NKAIN3: variants seen among roughly 807,000 people sequenced by gnomAD.
The protein encoded by NKAIN3 is sodium/potassium-transporting ATPase subunit beta-1-interacting protein 3.
A neutral mutation model predicts 30.2 loss-of-function variants in NKAIN3; 25 were observed. The ratio of observed to expected loss-of-function variants is 0.83; its 90% CI spans 0.60 to 1.16. NKAIN3 has a LOEUF of 1.16. Ranked by LOEUF, NKAIN3 falls within the 50% of genes most tolerant of loss-of-function variation. NKAIN3 has a pLI of 0.00. For synonymous variants in NKAIN3, 91 were observed against 89.6 expected, an observed-to-expected ratio of 1.02 and a Z score of -0.09; for missense variants, 225 against 254.1, an observed-to-expected ratio of 0.89 and a Z score of 0.78.
Position 62,340,908 on chromosome 8 carries a change from T to C in NKAIN3, c.54+91781T>C, listed in dbSNP as rs375588618. On this transcript the variant is annotated intron_variant, in intron 1 of 6. Transcript: ENST00000623646. ...TGGTCAAGGAAAGCGTCTTGTCATC[T>C]TCATTCATTCTTCAAAACAGACATG... is the stretch of plus-strand genomic sequence containing the variant. Among the ~76,000 whole-genome samples, 4 of 145,944 alleles carry C rather than the reference T, an allele frequency of 2.7e-5. No homozygotes were observed. In the East Asian group the frequency reaches 6.0e-4, roughly 22 times the overall value.
At chr8:62,302,665 C>T (rs1302493596) in intron 1 of NKAIN3, among the ~76,000 whole-genome samples, 1 of 151,954 alleles carries the variant, frequency 6.6e-6, no homozygotes, top group African/African-American at 2.4e-5. Flanking sequence ...GTATTCACTG[C>T]ATATAGATAA....
At chr8:62,834,510 G>A (rs904990023) in intron 4 of NKAIN3, among the ~76,000 whole-genome samples, 3 of 151,892 alleles carry the variant, frequency 2.0e-5, no homozygotes, top group African/African-American at 4.8e-5. Flanking sequence ...ATGAAAACCA[G>A]TAGCACTTCT....
At chr8:62,992,144 G>A (rs943282899) in intron 5 of NKAIN3, among the ~76,000 whole-genome samples, 12 of 151,840 alleles carry the variant, frequency 7.9e-5, no homozygotes, top group African/African-American at 2.9e-4. Flanking sequence ...TCCCAGAGTA[G>A]CTGGGATTAC....
chr8:62,807,197 C>A (rs1818324187), intron 4 of NKAIN3, among the ~76,000 whole-genome samples: 2 of 152,094 alleles, frequency 1.3e-5, no homozygotes, highest in Non-Finnish European at 2.9e-5. Flanking sequence ...ACAACATATA[C>A]CCTTGTATCC....
At chr8:62,801,753 A>G (rs1205821720) in intron 4 of NKAIN3, among the ~76,000 whole-genome samples, 1 of 152,242 alleles carries the variant, frequency 6.6e-6, no homozygotes, top group Non-Finnish European at 1.5e-5. Flanking sequence ...CCAGCAATGG[A>G]ACAAAGCTGG....
At chr8:62,568,981 C>T (rs1359940801) in intron 1 of NKAIN3, among the ~76,000 whole-genome samples, 1 of 152,184 alleles carries the variant, frequency 6.6e-6, no homozygotes, top group African/African-American at 2.4e-5. Flanking sequence ...TACATAAGCA[C>T]TAATGATCAT....
chr8:62,855,653 A>C (rs1225389325), intron 4 of NKAIN3: 2 of 1,604,268 alleles, frequency 1.2e-6, no homozygotes, highest in African/African-American at 2.7e-5. Flanking sequence ...CAGGTTCCTG[A>C]AGTGCTGCTG....
chr8:62,480,217 TC>T (rs1265901628), intron 1 of NKAIN3, among the ~76,000 whole-genome samples: 1 of 152,146 alleles, frequency 6.6e-6, no homozygotes, highest in African/African-American at 2.4e-5. Flanking sequence ...GAATTTGACT[TC>T]TTTTAGCTGC....
chr8:62,486,759 A>G lies in NKAIN3; in HGVS notation c.55-92780A>G, dbSNP rs867498622. On this transcript the variant is annotated intron_variant, in intron 1 of 6. Transcript: ENST00000623646. ...CCTGCCATTCTTACTACCATTTGCAATTGTCTTAAGGCTCAGTAAATGGCA... is the reference window on the plus strand; with the variant it reads ...CCTGCCATTCTTACTACCATTTGCAGTTGTCTTAAGGCTCAGTAAATGGCA... Among the ~76,000 whole-genome samples, 28 of 152,192 alleles carry G rather than the reference A, an allele frequency of 1.8e-4. 1 individual carries two copies. Among genetic ancestry groups the G allele is most frequent in the Middle Eastern group, 6.3e-3 (2 of 316 alleles).
At chr8:62,714,664 A>G (rs111669466) in intron 3 of NKAIN3, among the ~76,000 whole-genome samples, 1 of 152,236 alleles carries the variant, frequency 6.6e-6, no homozygotes, top group Admixed American at 6.5e-5. Context: ...TGTTTAGGGC[A>G]CTGTTCTAAG....
At chr8:62,252,050 T>C (rs1812121020) in intron 1 of NKAIN3, among the ~76,000 whole-genome samples, 1 of 152,182 alleles carries the variant, frequency 6.6e-6, no homozygotes, top group Admixed American at 6.5e-5. Context: ...CAATTCTAAC[T>C]CTGAGCCCGT....
chr8:62,861,379 C>G (rs1820234291), intron 4 of NKAIN3, among the ~76,000 whole-genome samples: 1 of 152,164 alleles, frequency 6.6e-6, no homozygotes, highest in Non-Finnish European at 1.5e-5. Context: ...CAAATAATTT[C>G]AAATGTCACC....
At chr8:62,785,988 C>A (rs754754748) in intron 4 of NKAIN3, among the ~76,000 whole-genome samples, 1 of 152,042 alleles carries the variant, frequency 6.6e-6, no homozygotes, top group African/African-American at 2.4e-5. Context: ...GGGGCCGGTA[C>A]GGAAATAAGT....
rs775501148 is a variant in NKAIN3 at position 62,389,402 on chromosome 8, T to TGGAA, written c.54+140277_54+140280dup. Reference sequence around the variant, plus strand: ...AGGATTGGAAGAGCAAAGGAGGTGCTGGAAGACATGACTTTTATATTAAGG... The same window carrying TGGAA: ...AGGATTGGAAGAGCAAAGGAGGTGCTGGAAGGAAGACATGACTTTTATATTAAGG... On this transcript the variant is annotated intron_variant, in intron 1 of 6. Transcript: ENST00000623646. Among the ~76,000 whole-genome samples the TGGAA allele has an allele frequency of 1.8e-3, 280 of 152,244 alleles. 3 individuals are homozygous for TGGAA. The Middle Eastern group carries it at 0.02, about 11-fold the overall frequency.
At chr8:62,279,441 T>G (rs901003644) in intron 1 of NKAIN3, among the ~76,000 whole-genome samples, 3 of 152,096 alleles carry the variant, frequency 2.0e-5, no homozygotes, top group African/African-American at 4.8e-5. Flanking sequence ...GACATGAAGT[T>G]CTTGCCCATG....
Position 62,579,667 on chromosome 8 carries a change from C to G in NKAIN3, c.183C>G (p.Tyr61Ter). 6.7e-7 allele frequency: 1 copy of G among 1,494,858 alleles called. No individual in the cohort carries two copies. Among genetic ancestry groups the G allele is most frequent in the Non-Finnish European group, 8.9e-7 (1 of 1,117,980 alleles). 92.6% of individuals were successfully genotyped at this position (1,494,858 alleles called of 1,614,324 possible). A position where few individuals can be genotyped will look rare whatever the true frequency, so the allele number is the denominator to read the frequency against. The part of the protein sequence containing the change: ...LFGTIQYRPR[Y>*]IMVYTVWTAL... ...GGACCATTCAGTACAGACCTCGATA[C>G]ATAATGGTGGTAAGTCTTATTTTTA... Residue 61 changes from tyrosine to a stop codon, truncating the protein, a stop_gained, in exon 2 of 7, where the codon TAC becomes TAG. Transcript: ENST00000623646. LOFTEE classifies it high-confidence loss of function.
intron 3 of NKAIN3, among the ~76,000 whole-genome samples, chr8:62,696,784 T>C (rs1197943247): frequency 2.0e-5 from 3 of 152,144 alleles, no homozygotes; most frequent in African/African-American, 7.2e-5. Context: ...GAAGAAGCTG[T>C]GAAATTTTTT....
intron 4 of NKAIN3, among the ~76,000 whole-genome samples, chr8:62,786,344 A>C (rs1817516468): frequency 6.6e-6 from 1 of 152,124 alleles, no homozygotes; most frequent in Non-Finnish European, 1.5e-5. Flanking sequence ...TATTTTTATT[A>C]AGTGTCTTTC....
At chr8:62,473,505 C>T (rs1210553921) in intron 1 of NKAIN3, 1 of 152,150 alleles carries the variant, frequency 6.6e-6, no homozygotes, top group Non-Finnish European at 1.5e-5. Context: ...AAGGACTTCT[C>T]TATGGAAGAC....
Sources: gnomAD v4.1 joint callset for allele counts (sites outside exome capture counted in the v4.1 genomes callset) on GRCh38, gnomAD v4.1.1 for gene constraint, MANE v1.5 for transcripts, NCBI Gene and HGNC (gene_info 2026-07-23, HGNC 2026-07-21) for gene names.